Variants in SYNE1 observed in about 807,000 individuals in gnomAD.
The protein encoded by SYNE1 is nesprin-1.
SYNE1 carries 616 observed loss-of-function variants against 1,111.0 expected under a neutral mutation model. The observed-to-expected ratio is 0.55, with a 90% CI of 0.52 to 0.59. SYNE1 has a LOEUF of 0.59. Ranked by LOEUF, SYNE1 falls within the 20% of genes least tolerant of loss-of-function variation. The pLI, the probability that SYNE1 is intolerant of heterozygous loss-of-function variation, is 0.00. For synonymous variants in SYNE1, 3,855 were observed against 3,825.8 expected (o/e 1.01, Z -0.28); for missense variants, 10,006 against 10,417.0 (o/e 0.96, Z 1.72).
intron 3 of SYNE1, among the ~76,000 whole-genome samples, chr6:152,595,821 C>T (rs770309017): frequency 5.3e-5 from 8 of 152,120 alleles, no homozygotes; most frequent in Non-Finnish European, 1.0e-4. Context: ...CTCACCTGTA[C>T]GATGCGGCTG....
chr6:152,122,805 A>G, intron 145 of SYNE1, 129 bp from the exon 146 acceptor site: 1 of 1,423,984 alleles, frequency 7.0e-7, no homozygotes, highest in South Asian at 1.2e-5. Flanking sequence ...ATCAGCTGCC[A>G]GCCTTCCACA....
At chr6:152,452,432 G>A (rs2154252673) in intron 25 of SYNE1, among the ~76,000 whole-genome samples, 1 of 152,068 alleles carries the variant, frequency 6.6e-6, no homozygotes, top group African/African-American at 2.4e-5. Context: ...TTTTTTTAAT[G>A]AAAAACTTGA....
chr6:152,525,069 A>C (rs1480753090), intron 5 of SYNE1, among the ~76,000 whole-genome samples: 1 of 152,210 alleles, frequency 6.6e-6, no homozygotes, highest in Non-Finnish European at 1.5e-5. Context: ...CCACTGATGT[A>C]GCTGAGATGA....
chr6:152,231,267 G>A, intron 114 of SYNE1, 124 bp downstream of exon 114: 1 of 958,580 alleles, frequency 1.0e-6, no homozygotes, highest in Non-Finnish European at 1.7e-6. Flanking sequence ...ACCTTCAGCG[G>A]TATTATTGGA....
Position 152,136,541 on chromosome 6 carries a change from T to C in SYNE1, c.25659+77A>G, listed in dbSNP as rs1044489844. The C allele has an allele frequency of 6.4e-6, 10 of 1,571,062 alleles. No individual in the cohort carries two copies. In the African/African-American group the frequency reaches 1.1e-4, roughly 17 times the overall value. On this transcript the variant is annotated intron_variant, in intron 141 of 145. Coordinates refer to ENST00000367255, the MANE Select transcript of SYNE1 (RefSeq NM_182961.4). ...AGCAACTGCGTCCCTCTAGAAACCA[T>C]GATACATCAAGTCACACACTCAGCT...
rs201204269 is a variant in SYNE1 at position 152,359,411 on chromosome 6, G to A, written c.10347C>T (p.Ile3449=). The A allele has an allele frequency of 2.5e-5, 41 of 1,614,124 alleles. No homozygotes were observed. The highest frequency in any genetic ancestry group is 3.3e-5 in the Non-Finnish European group (39 of 1,180,030). The change falls in exon 65 of 146, where the codon ATC becomes ATT. Residue 3449 remains isoleucine, a synonymous_variant. Coordinates refer to ENST00000367255, the MANE Select transcript of SYNE1 (RefSeq NM_182961.4). ...VLSYSSLLET[I]EVKGAGMTEH... is the part of the protein sequence containing the mutation. ...CTGTCATGCCAGCCCCTTTGACTTC[G>A]ATGGTCTCCAGCAAGCTGCTGTAAC...
chr6:152,580,421 CA>C (rs1191368149), intron 3 of SYNE1, among the ~76,000 whole-genome samples: 2 of 152,122 alleles, frequency 1.3e-5, no homozygotes, highest in Non-Finnish European at 2.9e-5. Flanking sequence ...AGATCTTTGT[CA>C]GATGCATGGT....
intron 38 of SYNE1, among the ~76,000 whole-genome samples, chr6:152,426,130 G>T (rs2098350010): frequency 6.6e-6 from 1 of 152,142 alleles, no homozygotes; most frequent in Non-Finnish European, 1.5e-5. Flanking sequence ...GTGCTGTGAG[G>T]TGCATAAAAG....
intron 61 of SYNE1, 24 bp downstream of exon 61, chr6:152,368,948 C>A: frequency 1.2e-6 from 2 of 1,614,084 alleles, no homozygotes; most frequent in East Asian, 2.2e-5. Context: ...ATCACACTCA[C>A]ACACAGCACG....
rs148021369 is a variant in SYNE1, at chr6:152,255,125, A to C, written c.19261-36T>G. 24 of 1,496,062 alleles carry C rather than the reference A, an allele frequency of 1.6e-5. No individual in the cohort carries two copies. In the Admixed American group the frequency reaches 4.6e-4, roughly 29 times the overall value. The allele number at this position is 1,496,062 out of a possible 1,614,324, so 92.7% of individuals were successfully genotyped here. A position where few individuals can be genotyped will look rare whatever the true frequency, so the allele number is the denominator to read the frequency against. Reference sequence around the variant, plus strand: ...TAAAAGGGCATTTTTCAGTGTTTAGATACATGAATTGATATGCAAATCATG... The same window carrying C: ...TAAAAGGGCATTTTTCAGTGTTTAGCTACATGAATTGATATGCAAATCATG... On this transcript the variant is annotated intron_variant, in intron 103 of 145. Transcript: ENST00000367255.
chr6:152,627,596 G>A (rs1167185618), intron 3 of SYNE1, among the ~76,000 whole-genome samples: 1 of 152,108 alleles, frequency 6.6e-6, no homozygotes, highest in African/African-American at 2.4e-5. Context: ...GATGGAGGTT[G>A]GAGTGAGCCG....
rs1234203447 is a variant in SYNE1 at position 152,242,182 on chromosome 6, G to A, written c.19893+58C>T. ...TAGGTTTTACTAAATATATATCAGG[G>A]TTTGAGAGCATGCTTTCCAATTACA... On this transcript the variant is annotated intron_variant, in intron 107 of 145. Coordinates refer to ENST00000367255, the MANE Select transcript of SYNE1 (RefSeq NM_182961.4). 4 of 1,419,734 alleles carry A rather than the reference G, an allele frequency of 2.8e-6. No homozygotes were observed. The East Asian group carries it at 6.8e-5, about 24-fold the overall frequency. The allele number at this position is 1,419,734 out of a possible 1,614,324, so 87.9% of individuals were successfully genotyped here.
chr6:152,475,858 T>C (rs896360299), intron 14 of SYNE1, among the ~76,000 whole-genome samples: 5 of 152,152 alleles, frequency 3.3e-5, no homozygotes, highest in African/African-American at 1.2e-4. Flanking sequence ...TTGAGCAGAT[T>C]GGTGAAATTA....
At chr6:152,224,192 G>T (rs1034326929) in intron 117 of SYNE1, among the ~76,000 whole-genome samples, 5 of 152,176 alleles carry the variant, frequency 3.3e-5, no homozygotes, top group African/African-American at 1.2e-4. Flanking sequence ...AAAAGGCAGT[G>T]ACAATGAATC....
intron 72 of SYNE1, among the ~76,000 whole-genome samples, chr6:152,349,093 G>C (rs2096695247): frequency 6.6e-6 from 1 of 152,194 alleles, no homozygotes; most frequent in Admixed American, 6.5e-5. Context: ...GCAGCCCAGA[G>C]GGGCTAACTG....
Position 152,148,049 on chromosome 6 carries a change from T to C in SYNE1, c.24972A>G (p.Leu8324=). ...KDFYLRGAVG[L]SGDHSALESQ... Reference sequence around the variant, plus strand: ...ACTGGAGAGGCTCTTTCCTACCTGATAAGCCAACAGCTCCCCGGAGGTAGA... The same window carrying C: ...ACTGGAGAGGCTCTTTCCTACCTGACAAGCCAACAGCTCCCCGGAGGTAGA... The change falls in exon 137 of 146, where the codon TTA becomes TTG. Residue 8324 remains leucine (L), a synonymous_variant. Coordinates refer to ENST00000367255, the MANE Select transcript of SYNE1 (RefSeq NM_182961.4). The surrounding 1 kb of genome is among the most constrained non-coding windows in gnomAD (Gnocchi z 4.1). The C allele has an allele frequency of 6.2e-7, 1 of 1,613,864 alleles. No homozygotes were observed. The highest frequency in any genetic ancestry group is 8.5e-7 in the Non-Finnish European group (1 of 1,179,948).
rs140160615 is a variant in SYNE1, at chr6:152,397,868, G to A, written c.7350+751C>T. 1.8e-3 allele frequency among the ~76,000 whole-genome samples: 267 copies of A among 152,122 alleles called. 1 individual carries two copies. Among genetic ancestry groups the A allele is most frequent in the African/African-American group, 6.0e-3 (250 of 41,484 alleles). Reference sequence around the variant, plus strand: ...ATACAAAAATTAGCTGGGCATGGTGGCACACACCTGTAATCCCAGCTACTT... The same window carrying A: ...ATACAAAAATTAGCTGGGCATGGTGACACACACCTGTAATCCCAGCTACTT... On this transcript the variant is annotated intron_variant, in intron 49 of 145. Coordinates refer to ENST00000367255, the MANE Select transcript of SYNE1 (RefSeq NM_182961.4).
At chr6:152,620,342 T>C (rs10457882) in intron 3 of SYNE1, among the ~76,000 whole-genome samples, 5,389 of 152,236 alleles carry the variant, frequency 0.035, 155 homozygotes, top group Non-Finnish European at 0.048. Context: ...CCCTGGGTGG[T>C]GCCAACCAAT....
At chr6:152,392,423 G>A (rs1237681041) in intron 51 of SYNE1, among the ~76,000 whole-genome samples, 1 of 152,120 alleles carries the variant, frequency 6.6e-6, no homozygotes, top group African/African-American at 2.4e-5. Flanking sequence ...CCATTTTATA[G>A]AGTTCTGAAT....
Sources: gnomAD v4.1 joint callset for allele counts (sites outside exome capture counted in the v4.1 genomes callset) on GRCh38, gnomAD v4.1.1 for gene constraint, Gnocchi (gnomAD v3.1) non-coding constraint, MANE v1.5 for transcripts, NCBI Gene and HGNC (gene_info 2026-07-23, HGNC 2026-07-21) for gene names.